Variants in NXN observed in about 807,000 individuals in gnomAD.
NXN encodes the protein nucleoredoxin 1.
NXN carries 16 observed loss-of-function variants against 48.6 expected under a neutral mutation model. That is an observed-to-expected ratio of 0.33 (90% CI 0.22 to 0.50). The LOEUF (loss-of-function observed/expected upper bound fraction) is 0.50, where lower values mean the gene tolerates loss of function less well. Among genes scored for constraint, NXN ranks in the 20% least tolerant of loss-of-function variants. NXN has a pLI of 0.98. For missense variants in NXN, 492 were observed against 605.5 expected (o/e 0.81, Z 1.97); for synonymous variants, 281 against 269.6 (o/e 1.04, Z -0.41).
At chr17:914,120 G>C (rs181598230) in intron 1 of NXN, among the ~76,000 whole-genome samples, 1 of 151,736 alleles carries the variant, frequency 6.6e-6, no homozygotes, top group Non-Finnish European at 1.5e-5. Context: ...GGCTGCTCTC[G>C]AACTCCCAAC....
At chr17:933,860 A>C (rs2068878680) in intron 1 of NXN, among the ~76,000 whole-genome samples, 1 of 152,162 alleles carries the variant, frequency 6.6e-6, no homozygotes, top group Non-Finnish European at 1.5e-5. Flanking sequence ...CAGAACACTT[A>C]TCAATTTGGA....
At chr17:899,061 G>A (rs997047658) in intron 1 of NXN, among the ~76,000 whole-genome samples, 8 of 150,560 alleles carry the variant, frequency 5.3e-5, no homozygotes, top group Non-Finnish European at 7.4e-5. Flanking sequence ...GGGTTCAAGT[G>A]ATTCTCCTGC....
intron 1 of NXN, among the ~76,000 whole-genome samples, chr17:969,552 C>T (rs1195716869): frequency 3.3e-5 from 5 of 152,216 alleles, no homozygotes; most frequent in Admixed American, 1.3e-4. Context: ...GGTCACACTG[C>T]GATTTTTCCC....
intron 1 of NXN, among the ~76,000 whole-genome samples, chr17:941,692 T>A (rs1216765998): frequency 3.0e-5 from 1 of 33,886 alleles, no homozygotes; most frequent in Admixed American, 2.1e-4. Context: ...CACACCTTCC[T>A]GGATTTACAG....
At chr17:885,977 C>T (rs1432819926) in intron 1 of NXN, among the ~76,000 whole-genome samples, 2 of 152,096 alleles carry the variant, frequency 1.3e-5, no homozygotes, top group East Asian at 1.9e-4. Context: ...CGTGAGCCAC[C>T]GCGCCCAGCT....
chr17:812,616 G>C (rs1256315070), intron 5 of NXN, among the ~76,000 whole-genome samples: 1 of 149,290 alleles, frequency 6.7e-6, no homozygotes, highest in Non-Finnish European at 1.5e-5. Flanking sequence ...CATTGTGTGA[G>C]TGTAGGTGAG....
intron 5 of NXN, among the ~76,000 whole-genome samples, chr17:807,233 C>CCT (rs1381264305): frequency 6.6e-6 from 1 of 152,212 alleles, no homozygotes; most frequent in Non-Finnish European, 1.5e-5. Flanking sequence ...CACCACACAC[C>CCT]CTTCTCAAAA....
chr17:846,157 G>A (rs910251340), intron 1 of NXN, among the ~76,000 whole-genome samples: 3 of 152,020 alleles, frequency 2.0e-5, no homozygotes, highest in African/African-American at 7.2e-5. Flanking sequence ...TGCCAGGCAC[G>A]GTGGCTTGTG....
At chr17:931,285 CAAAAAAA>C (rs778432060) in intron 1 of NXN, among the ~76,000 whole-genome samples, 3 of 107,106 alleles carry the variant, frequency 2.8e-5, no homozygotes, top group Non-Finnish European at 5.9e-5. Context: ...AGACTCCATC[CAAAAAAA>C]AAAAAAAAAA....
In NXN at chr17:800,690, T is replaced by A. The variant is rs1250576365; in HGVS notation, c.*259A>T. On this transcript the variant is annotated 3_prime_UTR_variant, in exon 8 of 8. Transcript: ENST00000336868. The stretch of plus-strand genomic sequence containing the variant: ...AAAGCTAGTGACTTTGCGAAAGCCA[T>A]GCAGCCCCGCTCTGGCCGGGCCCCC... 2.2e-5 allele frequency: 7 copies of A among 316,512 alleles called. No homozygotes were observed. Among genetic ancestry groups the A allele is most frequent in the Non-Finnish European group, 1.7e-5 (3 of 173,280 alleles). 19.6% of individuals were successfully genotyped at this position (316,512 alleles called of 1,614,324 possible). A position where few individuals can be genotyped will look rare whatever the true frequency, so the allele number is the denominator to read the frequency against.
intron 1 of NXN, among the ~76,000 whole-genome samples, chr17:935,237 G>A (rs921746643): frequency 2.0e-5 from 3 of 150,080 alleles, no homozygotes; most frequent in Non-Finnish European, 4.4e-5. Context: ...CAGGTGATCT[G>A]CCCACCTTGG....
intron 3 of NXN, among the ~76,000 whole-genome samples, chr17:822,741 C>G (rs995435952): frequency 1.3e-5 from 2 of 152,158 alleles, no homozygotes; most frequent in African/African-American, 4.8e-5. Context: ...GCATCTGGCA[C>G]AAGCACCCGC....
chr17:885,305 T>A (rs557752814), intron 1 of NXN, among the ~76,000 whole-genome samples: 2 of 151,986 alleles, frequency 1.3e-5, no homozygotes, highest in Admixed American at 1.3e-4. Flanking sequence ...TGGTGACACC[T>A]CGTCTCTACT....
At chr17:842,198 T>C (rs1318898218) in intron 1 of NXN, among the ~76,000 whole-genome samples, 1 of 152,130 alleles carries the variant, frequency 6.6e-6, no homozygotes, top group Non-Finnish European at 1.5e-5. Context: ...ATCCTTCCAG[T>C]TAAACCCGCC....
intron 1 of NXN, among the ~76,000 whole-genome samples, chr17:843,942 G>T (rs1251776575): frequency 2.6e-5 from 4 of 152,220 alleles, no homozygotes; most frequent in African/African-American, 9.7e-5. Flanking sequence ...AGGAAGAAAG[G>T]AGGCATAGGA....
intron 1 of NXN, among the ~76,000 whole-genome samples, chr17:967,637 A>G (rs929504407): frequency 3.3e-5 from 5 of 152,230 alleles, no homozygotes; most frequent in African/African-American, 1.2e-4. Context: ...AAGGGAAACT[A>G]TAGGTTAAAA....
At chr17:883,901 C>T (rs2068312930) in intron 1 of NXN, among the ~76,000 whole-genome samples, 1 of 152,146 alleles carries the variant, frequency 6.6e-6, no homozygotes, top group African/African-American at 2.4e-5. Context: ...TATGCAGCCC[C>T]CATCTCTACT....
rs772685951 is a variant in NXN at position 800,958 on chromosome 17, C to T, written c.1299G>A (p.Glu433=). ...NDFLAEKLKP[E]PI ...GGAGGCCGGAGCCACGCTAGATGGG[C>T]TCCGGTTTGAGCTTCTCTGCTAGGA... The change falls in exon 8 of 8, where the codon GAG becomes GAA. Residue 433 remains glutamate, a synonymous_variant. Coordinates refer to ENST00000336868, the MANE Select transcript of NXN (RefSeq NM_022463.5). 9 of 1,480,482 alleles carry T rather than the reference C, an allele frequency of 6.1e-6. No individual in the cohort carries two copies. In the South Asian group the frequency reaches 1.2e-4, roughly 21 times the overall value. The allele number at this position is 1,480,482 out of a possible 1,614,324, so 91.7% of individuals were successfully genotyped here.
chr17:976,484 G>T (rs2069459664), intron 1 of NXN, among the ~76,000 whole-genome samples: 1 of 152,144 alleles, frequency 6.6e-6, no homozygotes, highest in African/African-American at 2.4e-5. Context: ...AAAAAAATTA[G>T]CAATCTGGAA....
Sources: gnomAD v4.1 joint callset for allele counts (sites outside exome capture counted in the v4.1 genomes callset) on GRCh38, gnomAD v4.1.1 for gene constraint, MANE v1.5 for transcripts, NCBI Gene and HGNC (gene_info 2026-07-23, HGNC 2026-07-21) for gene names.